The following TMEM178A variants were observed in gnomAD, a reference collection of about 807,000 sequenced individuals.
TMEM178A encodes the protein transmembrane protein 178.
Under a neutral mutation model 29.1 loss-of-function variants are expected in TMEM178A, and 12 were observed. The ratio of observed to expected loss-of-function variants is 0.41; its 90% confidence interval spans 0.26 to 0.67. TMEM178A has a LOEUF of 0.67. TMEM178A is among the 30% of genes least tolerant of loss of function. TMEM178A has a pLI of 0.29. For synonymous variants in TMEM178A, 210 were observed against 187.2 expected (o/e 1.12, Z -0.99); for missense variants, 366 against 419.1 (o/e 0.87, Z 1.11).
chr2:39,673,676 T>G (rs895434016), intron 1 of TMEM178A, among the ~76,000 whole-genome samples: 3 of 152,206 alleles, frequency 2.0e-5, no homozygotes, highest in Non-Finnish European at 4.4e-5. Context: ...ACCCACACCA[T>G]GCTTCCATCT....
chr2:39,700,894 A>G (rs937737353), intron 1 of TMEM178A, among the ~76,000 whole-genome samples: 1 of 151,750 alleles, frequency 6.6e-6, no homozygotes, highest in African/African-American at 2.4e-5. Flanking sequence ...CATCTTAACA[A>G]TCTAGTTTGG....
chr2:39,733,202 C>T, the TMEM178A span, among the ~76,000 whole-genome samples: 1 of 152,234 alleles, frequency 6.6e-6, no homozygotes, highest in Non-Finnish European at 1.5e-5. Flanking sequence ...GCCCACCTTC[C>T]AGCATCTGCT....
chr2:39,730,136 C>T, the TMEM178A span, among the ~76,000 whole-genome samples: 882 of 152,208 alleles, frequency 5.8e-3, 6 homozygotes, highest in African/African-American at 0.02. Flanking sequence ...GAATCAAGGA[C>T]CCAAAATAAT....
intron 2 of TMEM178A, among the ~76,000 whole-genome samples, chr2:39,706,807 C>T (rs1018619374): frequency 1.2e-4 from 18 of 152,208 alleles, no homozygotes; most frequent in African/African-American, 4.3e-4. Context: ...CTATTCTCCA[C>T]TTAGTGTGGA....
chr2:39,687,148 G>A (rs1671115021), intron 1 of TMEM178A, among the ~76,000 whole-genome samples: 1 of 152,038 alleles, frequency 6.6e-6, no homozygotes, highest in Non-Finnish European at 1.5e-5. Context: ...AGGATGGGTG[G>A]TAAACAGAAA....
chr2:39,667,118 G>A (rs1670202093), intron 1 of TMEM178A, among the ~76,000 whole-genome samples: 1 of 152,202 alleles, frequency 6.6e-6, no homozygotes, highest in African/African-American at 2.4e-5. Flanking sequence ...CCTCCTCGCT[G>A]TCCAGGCACT....
chr2:39,705,768 G>T (rs189570211), intron 2 of TMEM178A, among the ~76,000 whole-genome samples: 1 of 152,296 alleles, frequency 6.6e-6, no homozygotes, highest in Admixed American at 6.5e-5. Flanking sequence ...TAAAGTGATG[G>T]CTGCATGGGC....
chr2:39,706,368 G>C (rs1672035207), intron 2 of TMEM178A, among the ~76,000 whole-genome samples: 1 of 152,192 alleles, frequency 6.6e-6, no homozygotes, highest in South Asian at 2.1e-4. Context: ...AGGCATTTCT[G>C]AGCAGATGTT....
Position 39,717,270 on chromosome 2 carries a change from T to A in TMEM178A, c.*19T>A, listed in dbSNP as rs1558468488. ...GGTATGACTGTCCTCACTGGGCCTG[T>A]CCACAGTGCGAGCGACTCCTGAGGG... is the stretch of plus-strand genomic sequence containing the variant. On this transcript the variant is annotated 3_prime_UTR_variant, in exon 4 of 4. Coordinates refer to ENST00000281961, the MANE Select transcript of TMEM178A (RefSeq NM_152390.3). 1.9e-6 allele frequency: 3 copies of A among 1,611,792 alleles called. No individual in the cohort carries two copies. The East Asian group carries it at 6.7e-5, about 36-fold the overall frequency.
chr2:39,706,962 C>T, intron 2 of TMEM178A, 87 bp from the exon 3 acceptor site: 1 of 1,471,452 alleles, frequency 6.8e-7, no homozygotes, highest in South Asian at 1.4e-5. Flanking sequence ...TACTAATTTT[C>T]ACAATGTATA....
At chr2:39,665,796 G>T, upstream of TMEM178A, 1 of 500,906 alleles carries the variant, frequency 2.0e-6, no homozygotes, top group Admixed American at 4.7e-5. Context: ...TGGGAGGCGA[G>T]ATCAGGCCAG....
chr2:39,719,787 C>T (rs72936041), downstream of TMEM178A, among the ~76,000 whole-genome samples: 3,534 of 152,192 alleles, frequency 0.023, 130 homozygotes, highest in African/African-American at 0.08. Flanking sequence ...TGTCCATTCT[C>T]GGGGAAGCCT....
chr2:39,727,138 A>G, the TMEM178A span, among the ~76,000 whole-genome samples: 1 of 152,274 alleles, frequency 6.6e-6, no homozygotes, highest in African/African-American at 2.4e-5. Flanking sequence ...CCAAAGGTCA[A>G]GGATATTCCT....
the TMEM178A span, among the ~76,000 whole-genome samples, chr2:39,732,453 G>A: frequency 2.0e-5 from 3 of 152,154 alleles, no homozygotes; most frequent in African/African-American, 2.4e-5. Context: ...CCCATCTGAT[G>A]AGGATGTGCT....
At chr2:39,701,125 C>G (rs971767913) in intron 1 of TMEM178A, among the ~76,000 whole-genome samples, 2 of 152,050 alleles carry the variant, frequency 1.3e-5, no homozygotes, top group African/African-American at 2.4e-5. Flanking sequence ...TTACAGTGAC[C>G]TATGTTGTAA....
chr2:39,711,312 T>G (rs1360627117), intron 3 of TMEM178A, among the ~76,000 whole-genome samples: 2 of 152,270 alleles, frequency 1.3e-5, no homozygotes, highest in Non-Finnish European at 2.9e-5. Context: ...ATAATTTAAG[T>G]TATAAATCTT....
At chr2:39,712,278 A>G (rs562320922) in intron 3 of TMEM178A, among the ~76,000 whole-genome samples, 1 of 152,272 alleles carries the variant, frequency 6.6e-6, no homozygotes, top group South Asian at 2.1e-4. Context: ...TACATTATTT[A>G]TCAAGCAGGC....
chr2:39,724,735 G>T, the TMEM178A span, among the ~76,000 whole-genome samples: 1 of 152,252 alleles, frequency 6.6e-6, no homozygotes, highest in South Asian at 2.1e-4. Flanking sequence ...ATCTCTCTTT[G>T]ACAGCAGAGG....
At chr2:39,731,993 G>C in the TMEM178A span, among the ~76,000 whole-genome samples, 1 of 152,032 alleles carries the variant, frequency 6.6e-6, no homozygotes, top group Admixed American at 6.5e-5. Context: ...CCTATATTGG[G>C]GTCTAGTATA....
Sources: gnomAD v4.1 joint callset for allele counts (sites outside exome capture counted in the v4.1 genomes callset) on GRCh38, gnomAD v4.1.1 for gene constraint, MANE v1.5 for transcripts, NCBI Gene and HGNC (gene_info 2026-07-23, HGNC 2026-07-21) for gene names.